APBB2: variants seen among roughly 807,000 people sequenced by gnomAD.
APBB2 encodes the protein Fe65-like 1.
APBB2 carries 38 observed loss-of-function variants against 82.5 expected under a neutral mutation model. The observed-to-expected ratio is 0.46, with a 90% confidence interval of 0.36 to 0.60. The LOEUF (loss-of-function observed/expected upper bound fraction) is 0.60. Ranked by LOEUF, APBB2 falls within the 20% of genes least tolerant of loss-of-function variation. The probability of loss-of-function intolerance (pLI) is 0.00; values close to 1 mark genes in which losing one functional copy is unlikely to be tolerated. For synonymous variants in APBB2, 341 were observed against 368.2 expected, an observed-to-expected ratio of 0.93 and a Z score of 0.85; for missense variants, 772 against 972.3, an observed-to-expected ratio of 0.79 and a Z score of 2.74.
chr4:40,898,206 T>C (rs1262806779), intron 10 of APBB2, among the ~76,000 whole-genome samples: 1 of 152,210 alleles, frequency 6.6e-6, no homozygotes, highest in Non-Finnish European at 1.5e-5. Flanking sequence ...GCTGGTAAAA[T>C]GCTTAGCATC....
At chr4:40,935,206 A>AG (rs1236065077) in intron 7 of APBB2, 67 bp from the exon 8 acceptor site, 1 of 1,161,434 alleles carries the variant, frequency 8.6e-7, no homozygotes, top group African/African-American at 1.6e-5. Context: ...AGAAAAGAAA[A>AG]AAAAAAAACA....
intron 4 of APBB2, among the ~76,000 whole-genome samples, chr4:41,055,072 C>T (rs747946041): frequency 1.3e-5 from 2 of 152,212 alleles, no homozygotes; most frequent in Non-Finnish European, 2.9e-5. Flanking sequence ...TCCCACCACA[C>T]TTGCTATGCT....
At chr4:40,870,473 G>A (rs1169900539) in intron 12 of APBB2, among the ~76,000 whole-genome samples, 2 of 152,194 alleles carry the variant, frequency 1.3e-5, no homozygotes, top group Admixed American at 1.3e-4. Flanking sequence ...AGCTAACAGA[G>A]GCAGATCAGG....
intron 12 of APBB2, among the ~76,000 whole-genome samples, chr4:40,833,866 C>T (rs924833278): frequency 5.3e-5 from 8 of 152,336 alleles, no homozygotes; most frequent in South Asian, 2.1e-4. Flanking sequence ...ACCGACACGG[C>T]GGATGAACAG....
chr4:41,035,308 C>A (rs1357307276), intron 4 of APBB2, among the ~76,000 whole-genome samples: 1 of 152,158 alleles, frequency 6.6e-6, no homozygotes, highest in Non-Finnish European at 1.5e-5. Flanking sequence ...ACAGCCTGGT[C>A]TACTGAACCA....
chr4:41,061,888 A>ATG (rs1307834868), intron 4 of APBB2, among the ~76,000 whole-genome samples: 1 of 152,248 alleles, frequency 6.6e-6, no homozygotes, highest in Non-Finnish European at 1.5e-5. Context: ...GCACAGCAGT[A>ATG]TGCACTGCTG....
chr4:40,972,242 C>G (rs552368694), intron 6 of APBB2, among the ~76,000 whole-genome samples: 90 of 152,044 alleles, frequency 5.9e-4, no homozygotes, highest in Non-Finnish European at 7.8e-4. Context: ...TCCTGGCTAA[C>G]AAGGTGAAAC....
At chr4:41,191,224 CT>C (rs1193443414) in intron 1 of APBB2, among the ~76,000 whole-genome samples, 6 of 152,168 alleles carry the variant, frequency 3.9e-5, no homozygotes, top group Non-Finnish European at 8.8e-5. Context: ...TATTTTCCTC[CT>C]TTGTCCACTT....
chr4:40,982,284 AGG>A (rs1430027124), intron 6 of APBB2, among the ~76,000 whole-genome samples: 1,606 of 32,878 alleles, frequency 0.049, 217 homozygotes, highest in African/African-American at 0.1. Flanking sequence ...GAAAGAAAGA[AGG>A]AAGGAAGGAA....
intron 12 of APBB2, among the ~76,000 whole-genome samples, chr4:40,881,886 G>C (rs1768729227): frequency 6.6e-6 from 1 of 151,994 alleles, no homozygotes; most frequent in African/African-American, 2.4e-5. Flanking sequence ...CTTTATCACA[G>C]ACAATTTCTA....
intron 2 of APBB2, among the ~76,000 whole-genome samples, chr4:41,132,753 C>G (rs1010242240): frequency 6.6e-6 from 1 of 152,150 alleles, no homozygotes; most frequent in Non-Finnish European, 1.5e-5. Flanking sequence ...TTACCACTCT[C>G]CCCACAAAAA....
chr4:40,857,147 G>A (rs947837022), intron 12 of APBB2: 6 of 985,494 alleles, frequency 6.1e-6, no homozygotes, highest in Non-Finnish European at 7.2e-6. Context: ...ACTGCCCCGG[G>A]CTCAAGTTGA....
At chr4:40,872,344 G>C (rs144140225) in intron 12 of APBB2, among the ~76,000 whole-genome samples, 3 of 152,298 alleles carry the variant, frequency 2.0e-5, no homozygotes, top group Non-Finnish European at 4.4e-5. Context: ...TGAAGGACAC[G>C]AACGGTGACA....
At chr4:41,027,364 C>CATATATATATATATATATATAT (rs36224955) in intron 5 of APBB2, among the ~76,000 whole-genome samples, 4 of 127,414 alleles carry the variant, frequency 3.1e-5, no homozygotes, top group Non-Finnish European at 5.0e-5. Context: ...CATATTGTTA[C>CATATATATATATATATATATAT]ATATATATAT....
At chr4:41,204,591 T>C (rs575765652) in intron 1 of APBB2, among the ~76,000 whole-genome samples, 18 of 152,292 alleles carry the variant, frequency 1.2e-4, no homozygotes, top group African/African-American at 4.3e-4. Flanking sequence ...ACTGAGTATT[T>C]CTCCCAGTAA....
At chr4:40,851,800 C>G (rs1759557887) in intron 12 of APBB2, among the ~76,000 whole-genome samples, 1 of 142,826 alleles carries the variant, frequency 7.0e-6, no homozygotes, top group South Asian at 2.2e-4. Context: ...AGTTCTCTGA[C>G]AAACATGTTG....
chr4:41,031,070 C>T (rs950189226), intron 5 of APBB2, among the ~76,000 whole-genome samples: 3 of 152,050 alleles, frequency 2.0e-5, no homozygotes, highest in African/African-American at 7.2e-5. Flanking sequence ...ACTAAAATTA[C>T]AAAAATTAGC....
At chr4:41,170,053 T>A (rs1767831737) in intron 1 of APBB2, among the ~76,000 whole-genome samples, 1 of 152,154 alleles carries the variant, frequency 6.6e-6, no homozygotes, top group Admixed American at 6.5e-5. Flanking sequence ...GAATACCCCC[T>A]CTAAATAATC....
At chr4:41,031,953 T>C (rs1306595678) in intron 5 of APBB2, among the ~76,000 whole-genome samples, 2 of 152,216 alleles carry the variant, frequency 1.3e-5, no homozygotes, top group African/African-American at 2.4e-5. Flanking sequence ...TATGATTATA[T>C]GGCTTCTAAA....
Sources: gnomAD v4.1 joint callset for allele counts (sites outside exome capture counted in the v4.1 genomes callset) on GRCh38, gnomAD v4.1.1 for gene constraint, MANE v1.5 for transcripts, NCBI Gene and HGNC (gene_info 2026-07-23, HGNC 2026-07-21) for gene names.